The following WASHC5 variants were observed in gnomAD, a reference collection of about 807,000 sequenced individuals.
WASHC5 encodes the protein WASH complex subunit strumpellin.
A neutral mutation model predicts 150.4 loss-of-function variants in WASHC5; 101 were observed. The observed-to-expected ratio is 0.67, with a 90% CI of 0.57 to 0.79. WASHC5 has a LOEUF of 0.79. Ranked by LOEUF, WASHC5 falls within the 30% of genes least tolerant of loss-of-function variation. The probability of loss-of-function intolerance (pLI) is 0.00; values close to 1 mark genes in which losing one functional copy is unlikely to be tolerated. For missense variants in WASHC5, 1,195 were observed against 1,396.3 expected, an observed-to-expected ratio of 0.86 and a Z score of 2.30; for synonymous variants, 467 against 491.2, an observed-to-expected ratio of 0.95 and a Z score of 0.65.
intron 11 of WASHC5, 148 bp from the exon 12 acceptor site, chr8:125,061,342 C>T (rs1336225033): frequency 3.4e-6 from 2 of 592,290 alleles, no homozygotes; most frequent in African/African-American, 1.9e-5. Flanking sequence ...GACAAAAATG[C>T]CTGGAGCATG....
rs184312460 is a variant in WASHC5 at position 125,062,831 on chromosome 8, T to A, written c.1408+691A>T. On this transcript the variant is annotated intron_variant, in intron 11 of 28. Coordinates refer to ENST00000318410, the MANE Select transcript of WASHC5 (RefSeq NM_014846.4). The stretch of plus-strand genomic sequence containing the variant: ...ACAAAATTAAGCGTTAAAAAAATAG[T>A]TTGTCACCATAAAATTCAGAATGGT... Among the ~76,000 whole-genome samples the A allele has an allele frequency of 2.2e-4, 33 of 152,276 alleles. No individual in the cohort carries two copies. The East Asian group carries it at 5.2e-3, about 24-fold the overall frequency.
chr8:125,055,546 C>CTAAG, intron 17 of WASHC5, 45 bp downstream of exon 17: 1 of 1,120,216 alleles, frequency 8.9e-7, no homozygotes, highest in Non-Finnish European at 1.4e-6. Context: ...ACCCAAACAG[C>CTAAG]TAAGAGTCAT....
intron 10 of WASHC5, 63 bp downstream of exon 10, chr8:125,067,529 T>TA: frequency 1.4e-6 from 2 of 1,401,652 alleles, no homozygotes; most frequent in Non-Finnish European, 2.0e-6. Context: ...GTCTTTTTTT[T>TA]AAAAAATATT....
chr8:125,077,454 T>C (rs1817098582), intron 6 of WASHC5, among the ~76,000 whole-genome samples: 1 of 152,210 alleles, frequency 6.6e-6, no homozygotes, highest in African/African-American at 2.4e-5. Flanking sequence ...GGAGACAGAA[T>C]CTGTTCCATC....
intron 1 of WASHC5, among the ~76,000 whole-genome samples, chr8:125,086,695 A>G (rs1466675615): frequency 1.3e-5 from 2 of 152,218 alleles, no homozygotes; most frequent in Non-Finnish European, 2.9e-5. Context: ...ACTCTCTACC[A>G]ATTCCAGGCC....
At chr8:125,055,556 T>G in intron 17 of WASHC5, 35 bp downstream of exon 17, 1 of 1,245,444 alleles carries the variant, frequency 8.0e-7, no homozygotes, top group Non-Finnish European at 1.2e-6. Context: ...CTAAGAGTCA[T>G]GGTGCGAGGC....
chr8:125,045,227 A>C (rs1816027088), intron 20 of WASHC5, among the ~76,000 whole-genome samples: 1 of 152,180 alleles, frequency 6.6e-6, no homozygotes, highest in African/African-American at 2.4e-5. Context: ...TCTCCAAATG[A>C]TTCTTTTTAG....
chr8:125,037,710 A>G (rs1815757325), intron 25 of WASHC5, among the ~76,000 whole-genome samples: 1 of 151,636 alleles, frequency 6.6e-6, no homozygotes, highest in African/African-American at 2.4e-5. Flanking sequence ...TGGGAGAGAG[A>G]AGAGAGAGAG....
At chr8:125,063,759 C>T (rs925803139) in intron 10 of WASHC5, 108 bp from the exon 11 acceptor site, 4 of 995,432 alleles carry the variant, frequency 4.0e-6, no homozygotes, top group South Asian at 1.4e-5. Context: ...TAAGAAGCTA[C>T]ACTATAAATT....
chr8:125,084,220 CTCT>C (rs1817353486), intron 1 of WASHC5, among the ~76,000 whole-genome samples, 198 bp from the exon 2 acceptor site: 2 of 152,184 alleles, frequency 1.3e-5, no homozygotes, highest in Admixed American at 1.3e-4. Context: ...CACTCTTGGC[CTCT>C]TCTTCAACAT....
At chr8:125,081,861 CAA>C in intron 4 of WASHC5, 100 bp from the exon 5 acceptor site, 2 of 774,054 alleles carry the variant, frequency 2.6e-6, no homozygotes, top group South Asian at 2.8e-5. Flanking sequence ...CACACTTCTT[CAA>C]AAAGTTTTAG....
chr8:125,039,812 AG>A lies in WASHC5; in HGVS notation c.2936del (p.Ala979ValfsTer10), dbSNP rs1164299433. 7 of 1,612,826 alleles carry A rather than the reference AG, an allele frequency of 4.3e-6. No homozygotes were observed. Among genetic ancestry groups the A allele is most frequent in the Non-Finnish European group, 5.9e-6 (7 of 1,178,924 alleles). On this transcript the variant is annotated frameshift_variant, in exon 24 of 29. Coordinates refer to ENST00000318410, the MANE Select transcript of WASHC5 (RefSeq NM_014846.4). LOFTEE classifies it high-confidence loss of function. ...CRFDSKHLAA[A>X]LENLNKALLA... ...GCACTTACTTATTGAGATTCTCCAG[AG>A]CAGCTGCCAGATGTTTAGAATCAAA... is the stretch of plus-strand genomic sequence containing the variant.
intron 21 of WASHC5, 58 bp from the exon 22 acceptor site, chr8:125,044,152 C>T (rs891699422): frequency 7.1e-6 from 8 of 1,120,204 alleles, no homozygotes; most frequent in Non-Finnish European, 9.5e-6. Context: ...CAAGCAAATT[C>T]TCCAGTTACC....
chr8:125,044,421 G>T, intron 21 of WASHC5, 115 bp downstream of exon 21: 1 of 1,154,668 alleles, frequency 8.7e-7, no homozygotes, highest in Non-Finnish European at 1.3e-6. Flanking sequence ...TATGCCTAAA[G>T]TCAGTGTAAG....
rs188682946 is a variant in WASHC5 at position 125,072,883 on chromosome 8, T to C, written c.1150+270A>G. Among the ~76,000 whole-genome samples the C allele has an allele frequency of 1.8e-3, 276 of 152,220 alleles. 1 individual carries two copies. Among genetic ancestry groups the C allele is most frequent in the African/African-American group, 5.9e-3 (245 of 41,542 alleles). ...TATTTTTTCATATGTCTACATTTGA[T>C]CTCCCCATTCTGATCAGTGACAAGC... On this transcript the variant is annotated intron_variant, in intron 9 of 28. Transcript: ENST00000318410.
intron 27 of WASHC5, among the ~76,000 whole-genome samples, chr8:125,029,778 C>T (rs903188592): frequency 2.6e-5 from 4 of 152,194 alleles, no homozygotes; most frequent in African/African-American, 9.7e-5. Flanking sequence ...TTTCCAATTC[C>T]TGTACCAATT....
intron 24 of WASHC5, 38 bp from the exon 25 acceptor site, chr8:125,038,997 G>A (rs1382663580): frequency 2.5e-6 from 4 of 1,603,290 alleles, no homozygotes; most frequent in Admixed American, 3.3e-5. Flanking sequence ...ACATTAGTGA[G>A]TAAATGAATT....
chr8:125,027,423 G>C (rs1055066655), intron 28 of WASHC5, among the ~76,000 whole-genome samples: 2 of 152,200 alleles, frequency 1.3e-5, no homozygotes, highest in Non-Finnish European at 2.9e-5. Context: ...ACATACGATG[G>C]AATGCTACGC....
chr8:125,042,365 G>T (rs1292878190), intron 23 of WASHC5, among the ~76,000 whole-genome samples: 2 of 152,150 alleles, frequency 1.3e-5, no homozygotes, highest in African/African-American at 4.8e-5. Context: ...TAGCTACACA[G>T]GGCTAGGAGC....
Sources: allele counts gnomAD v4.1 joint callset (sites outside exome capture counted in the v4.1 genomes callset), GRCh38; gene constraint gnomAD v4.1.1; transcripts MANE v1.5; gene names NCBI Gene and HGNC (gene_info 2026-07-23, HGNC 2026-07-21).